The following HCFC2 variants were observed in gnomAD, a reference collection of about 807,000 sequenced individuals.
HCFC2 encodes host cell factor C2, also known as host cell factor 2.
HCFC2 carries 18 observed loss-of-function variants against 89.2 expected under a neutral mutation model. The observed-to-expected ratio is 0.20, with a 90% CI of 0.14 to 0.30. The LOEUF is 0.30. Ranked by LOEUF, HCFC2 falls within the 10% of genes least tolerant of loss-of-function variation. HCFC2 has a pLI of 1.00. For synonymous variants in HCFC2, 308 were observed against 335.7 expected, an observed-to-expected ratio of 0.92 and a Z score of 0.90; for missense variants, 578 against 956.1, an observed-to-expected ratio of 0.60 and a Z score of 5.21.
At chr12:104,098,233 G>A (rs1370890307) in intron 12 of HCFC2, 110 bp from the exon 13 acceptor site, 1 of 737,814 alleles carries the variant, frequency 1.4e-6, no homozygotes, top group African/African-American at 1.8e-5. Flanking sequence ...TTAATGTTGT[G>A]GTGTTTATCC....
chr12:104,082,813 T>G lies in HCFC2; in HGVS notation c.975T>G (p.Thr325=). 1 of 1,613,826 alleles carries G rather than the reference T, an allele frequency of 6.2e-7. No individual in the cohort carries two copies. The highest frequency in any genetic ancestry group is 2.2e-5 in the East Asian group (1 of 44,872). The change falls in exon 7 of 15, where the codon ACT becomes ACG. Residue 325 remains threonine, a synonymous_variant. Transcript: ENST00000229330. ...GCCACTGTGCTGTTGCAATCGGCAC[T>G]CGATTGTATTTTTGGAGTGGAAGAG... The part of the protein sequence containing the change: ...RAGHCAVAIG[T]RLYFWSGRDG...
intron 10 of HCFC2, among the ~76,000 whole-genome samples, chr12:104,094,086 A>G (rs1213938516): frequency 2.0e-5 from 3 of 152,176 alleles, no homozygotes; most frequent in Non-Finnish European, 4.4e-5. Context: ...GATACTCTTC[A>G]CCAAAATAGG....
intron 3 of HCFC2, among the ~76,000 whole-genome samples, chr12:104,077,688 GT>G (rs1265175597): frequency 6.8e-6 from 1 of 147,240 alleles, no homozygotes; most frequent in Non-Finnish European, 1.5e-5. Flanking sequence ...AGAATTATAT[GT>G]GCTAATTTTG....
At position 104,106,027 on chromosome 12, in the gene HCFC2, TTCA is replaced by T. The variant is rs2030076270; in HGVS notation, c.*2756_*2758del. On this transcript the variant is annotated 3_prime_UTR_variant, in exon 15 of 15. Coordinates refer to ENST00000229330, the MANE Select transcript of HCFC2 (RefSeq NM_013320.3). ...ATGTTTTCTAAAATATCATATTGGC[TTCA>T]TTTTAGTTTAATAAACTTCTTTGGC... 1 of 152,148 alleles carries T rather than the reference TTCA, an allele frequency of 6.6e-6. No homozygotes were observed. Among genetic ancestry groups the T allele is most frequent in the Non-Finnish European group, 1.5e-5 (1 of 67,966 alleles). The allele number at this position is 152,148 out of a possible 1,614,324, so 9.4% of individuals were successfully genotyped here. A position where few individuals can be genotyped will look rare whatever the true frequency, so the allele number is the denominator to read the frequency against.
intron 2 of HCFC2, 102 bp from the exon 3 acceptor site, chr12:104,067,845 G>C (rs1380279142): frequency 1.8e-6 from 2 of 1,130,824 alleles, no homozygotes; most frequent in East Asian, 5.7e-5. Flanking sequence ...GCCTTCTGAT[G>C]GGATTTAGAT....
At chr12:104,079,817 T>C (rs560047717) in intron 4 of HCFC2, among the ~76,000 whole-genome samples, 164 bp downstream of exon 4, 2 of 152,338 alleles carry the variant, frequency 1.3e-5, no homozygotes, top group Admixed American at 6.5e-5. Flanking sequence ...ATAAATCAGA[T>C]TGAGAAAATG....
intron 8 of HCFC2, 110 bp downstream of exon 8, chr12:104,087,124 G>A: frequency 2.0e-6 from 2 of 992,686 alleles, no homozygotes; most frequent in Non-Finnish European, 2.9e-6. Context: ...GGAGGCTGAG[G>A]CAGGTGGATC....
intron 7 of HCFC2, among the ~76,000 whole-genome samples, chr12:104,084,523 A>G (rs1883777014): frequency 6.6e-6 from 1 of 152,220 alleles, no homozygotes; most frequent in Admixed American, 6.5e-5. Flanking sequence ...CAAAGAGGAA[A>G]GTGTAGGAAT....
In HCFC2 at chr12:104,082,524, C is replaced by T. The variant is rs762345347; in HGVS notation, c.792C>T (p.Val264=). 7 of 1,611,858 alleles carry T rather than the reference C, an allele frequency of 4.3e-6. No individual in the cohort carries two copies. In the South Asian group the frequency reaches 5.5e-5, roughly 13 times the overall value. The change falls in exon 6 of 15, where the codon GTC becomes GTT. Residue 264 remains valine, a synonymous_variant. Transcript: ENST00000229330. The stretch of plus-strand genomic sequence containing the variant: ...GGATGTACATTTTTGGTGGATGGGT[C>T]CCACATAAGGGGGAAAATACTGAGA... ...GNKMYIFGGW[V]PHKGENTETS...
In HCFC2 at chr12:104,068,102, T is replaced by C. The variant is rs748925395; in HGVS notation, c.468T>C (p.Val156=). The C allele has an allele frequency of 1.3e-6, 2 of 1,593,336 alleles. No individual in the cohort carries two copies. The highest frequency in any genetic ancestry group is 1.4e-5 in the African/African-American group (1 of 73,592). The stretch of plus-strand genomic sequence containing the variant: ...AAAGCGAAGATTCAAACAATAATGT[T>C]CCCAGGTATGCTGACTCTTTCAGAC... ...ANESEDSNNN[V]PRYLNDFYEL... Residue 156 remains valine (V), a synonymous_variant, in exon 3 of 15, where the codon GTT becomes GTC. Coordinates refer to ENST00000229330, the MANE Select transcript of HCFC2 (RefSeq NM_013320.3). The surrounding 1 kb of genome is among the most constrained non-coding windows in gnomAD (Gnocchi z 4.1).
chr12:104,080,496 T>C, intron 4 of HCFC2: 1 of 283,462 alleles, frequency 3.5e-6, no homozygotes, highest in East Asian at 7.9e-5. Context: ...ATTTTCAGTC[T>C]GTGGTTAGTT....
At chr12:104,093,079 A>T (rs1203383490) in intron 9 of HCFC2, among the ~76,000 whole-genome samples, 1 of 152,120 alleles carries the variant, frequency 6.6e-6, no homozygotes, top group Non-Finnish European at 1.5e-5. Flanking sequence ...CTCCTGTGTT[A>T]TATATGTATT....
In HCFC2 at chr12:104,088,021, A is replaced by G; in HGVS notation, c.1267A>G (p.Asn423Asp). The change falls in exon 9 of 15, where the codon AAC becomes GAC. Residue 423 changes from asparagine (N) to aspartate (D), a missense_variant. By Grantham distance (23) the Asn-to-Asp change is conservative (BLOSUM62 1). Coordinates refer to ENST00000229330, the MANE Select transcript of HCFC2 (RefSeq NM_013320.3). ...GGACCCTCACAGACAAGGCAGTAATAACATCGTTCCTAACAGTGTAAGTAA... is the reference window on the plus strand; with the variant it reads ...GGACCCTCACAGACAAGGCAGTAATGACATCGTTCCTAACAGTGTAAGTAA... ...RMDPHRQGSN[N>D]IVPNSINDTI... is the part of the protein sequence containing the mutation. The G allele has an allele frequency of 1.2e-6, 2 of 1,608,286 alleles. No individual in the cohort carries two copies. Among genetic ancestry groups the G allele is most frequent in the Non-Finnish European group, 1.7e-6 (2 of 1,176,506 alleles).
At chr12:104,089,808 C>T (rs1326487501) in intron 9 of HCFC2, among the ~76,000 whole-genome samples, 7 of 152,090 alleles carry the variant, frequency 4.6e-5, no homozygotes, top group Admixed American at 6.6e-5. Flanking sequence ...CTGGCATTAA[C>T]GGCCTCACTT....
chr12:104,086,058 T>TG (rs34251073), intron 7 of HCFC2, among the ~76,000 whole-genome samples: 5,026 of 150,640 alleles, frequency 0.033, 165 homozygotes, highest in East Asian at 0.12. Flanking sequence ...AGTGCAGTGT[T>TG]GCGACCTCGG....
In HCFC2 at chr12:104,101,506, G is replaced by A. The variant is rs114299865; in HGVS notation, c.1879-462G>A. 7.4e-3 allele frequency among the ~76,000 whole-genome samples: 1,121 copies of A among 151,922 alleles called. 20 individuals are homozygous for A. The highest frequency in any genetic ancestry group is 0.073 in the South Asian group (350 of 4,806). Reference sequence around the variant, plus strand: ...TCCAAAAAAAAAAAAAAAATTCTCTGTACTACATGCTAGTCACTCCTTTTC... The same window carrying A: ...TCCAAAAAAAAAAAAAAAATTCTCTATACTACATGCTAGTCACTCCTTTTC... On this transcript the variant is annotated intron_variant, in intron 13 of 14. Coordinates refer to ENST00000229330, the MANE Select transcript of HCFC2 (RefSeq NM_013320.3).
chr12:104,088,218 G>A (rs1883923346), intron 9 of HCFC2, among the ~76,000 whole-genome samples, 180 bp downstream of exon 9: 1 of 152,212 alleles, frequency 6.6e-6, no homozygotes, highest in South Asian at 2.1e-4. Flanking sequence ...CTCAAATCTA[G>A]TGAAGCAGAA....
At chr12:104,101,274 A>T (rs1282105057) in intron 13 of HCFC2, among the ~76,000 whole-genome samples, 1 of 152,220 alleles carries the variant, frequency 6.6e-6, no homozygotes, top group Non-Finnish European at 1.5e-5. Context: ...ACATTTGGTC[A>T]GGAGTTCGAG....
In HCFC2 at chr12:104,068,636, T is replaced by C. The variant is rs560905209; in HGVS notation, c.473+529T>C. On this transcript the variant is annotated intron_variant, in intron 3 of 14. Transcript: ENST00000229330. The surrounding 1 kb of genome is among the most constrained non-coding windows in gnomAD (Gnocchi z 4.1). ...CCAAACAGAATTAATTCACTACCTC[T>C]TTTCTTTTCACATCATGTTTTGTTT... 6.6e-6 allele frequency among the ~76,000 whole-genome samples: 1 copy of C among 152,324 alleles called. No homozygotes were observed. The highest frequency in any genetic ancestry group is 6.5e-5 in the Admixed American group (1 of 15,304).
Sources: allele counts gnomAD v4.1 joint callset (sites outside exome capture counted in the v4.1 genomes callset), GRCh38; gene constraint gnomAD v4.1.1; non-coding constraint Gnocchi (gnomAD v3.1); transcripts MANE v1.5; gene names NCBI Gene and HGNC (gene_info 2026-07-23, HGNC 2026-07-21).